CD53: variants seen among roughly 807,000 people sequenced by gnomAD.
The protein encoded by CD53 is CD53 molecule.
In CD53, 20 loss-of-function variants were observed where a neutral mutation model predicts 27.3. That is an observed-to-expected ratio of 0.73 (90% confidence interval 0.52 to 1.07). The LOEUF is 1.07. CD53 is among the 50% of genes least tolerant of loss of function. The probability of loss-of-function intolerance (pLI) is 0.00; values close to 1 mark genes in which losing one functional copy is unlikely to be tolerated. For missense variants in CD53, 216 were observed against 264.0 expected, an observed-to-expected ratio of 0.82 and a Z score of 1.26; for synonymous variants, 106 against 105.3, an observed-to-expected ratio of 1.01 and a Z score of -0.04.
chr1:110,886,020 C>T (rs531192043), intron 1 of CD53, among the ~76,000 whole-genome samples: 1 of 152,204 alleles, frequency 6.6e-6, no homozygotes, highest in Non-Finnish European at 1.5e-5. Context: ...TAGAGGATTG[C>T]TTTTAACATT....
chr1:110,894,246 C>A, intron 3 of CD53, 81 bp from the exon 4 acceptor site: 2 of 1,224,464 alleles, frequency 1.6e-6, no homozygotes, highest in East Asian at 4.6e-5. Context: ...CGTGCAAATG[C>A]CCCTGGATGC....
Position 110,894,488 on chromosome 1 carries a change from G to C in CD53, c.327+87G>C. On this transcript the variant is annotated intron_variant, in intron 4 of 7. Transcript: ENST00000271324. ...AAGTTGGTACAAAGTTACAGAATAA[G>C]TTCTATAATAGAGATAGAAATGAAG... The C allele has an allele frequency of 5.9e-6, 6 of 1,011,972 alleles. No individual in the cohort carries two copies. In the South Asian group the frequency reaches 7.7e-5, roughly 13 times the overall value. The allele number at this position is 1,011,972 out of a possible 1,614,324, so 62.7% of individuals were successfully genotyped here. A position where few individuals can be genotyped will look rare whatever the true frequency, so the allele number is the denominator to read the frequency against.
At chr1:110,897,248 GAGA>G (rs1201274151) in intron 6 of CD53, among the ~76,000 whole-genome samples, 1 of 152,184 alleles carries the variant, frequency 6.6e-6, no homozygotes, top group Non-Finnish European at 1.5e-5. Context: ...AATAGGCTCT[GAGA>G]AGAAGCCACA....
At chr1:110,875,105 G>A (rs947380617) in intron 1 of CD53, among the ~76,000 whole-genome samples, 1 of 152,134 alleles carries the variant, frequency 6.6e-6, no homozygotes, top group East Asian at 1.9e-4. Context: ...GTGACTGGTG[G>A]GTTCACTTTC....
intron 6 of CD53, 46 bp from the exon 7 acceptor site, chr1:110,897,763 G>T: frequency 8.8e-7 from 1 of 1,139,994 alleles, no homozygotes; most frequent in South Asian, 1.3e-5. Context: ...CTCTTGATAT[G>T]GTGGAATTAT....
At chr1:110,880,173 C>T (rs989860683) in intron 1 of CD53, 10 of 152,092 alleles carry the variant, frequency 6.6e-5, no homozygotes, top group African/African-American at 2.4e-4. Flanking sequence ...GAGTCATAGA[C>T]TTTGACTGTG....
intron 4 of CD53, 151 bp downstream of exon 4, chr1:110,894,552 G>GA (rs1379569347): frequency 3.3e-6 from 2 of 600,882 alleles, no homozygotes; most frequent in Non-Finnish European, 5.8e-6. Context: ...TGTAATTGGG[G>GA]GGAAAATTTG....
chr1:110,891,371 T>G (rs989563669), intron 1 of CD53, 21 bp from the exon 2 acceptor site: 1 of 1,550,132 alleles, frequency 6.5e-7, no homozygotes, highest in African/African-American at 1.4e-5. Flanking sequence ...GTAACTTACT[T>G]TCTTCTTCCT....
At chr1:110,887,254 C>G (rs958807517) in intron 1 of CD53, among the ~76,000 whole-genome samples, 1 of 151,866 alleles carries the variant, frequency 6.6e-6, no homozygotes, top group South Asian at 2.1e-4. Context: ...TTAGTAGAGA[C>G]GGGGTTTCAC....
intron 1 of CD53, among the ~76,000 whole-genome samples, chr1:110,886,542 G>A (rs1656610972): frequency 6.6e-6 from 1 of 151,992 alleles, no homozygotes; most frequent in Non-Finnish European, 1.5e-5. Flanking sequence ...ATGATGCTCT[G>A]TTCATTTAAA....
Position 110,892,523 on chromosome 1 carries a change from T to C in CD53, c.242T>C (p.Leu81Pro), listed in dbSNP as rs749947402. The change falls in exon 3 of 8, where the codon CTG becomes CCG. Residue 81 changes from leucine to proline, a missense_variant. Physicochemically the swap from Leu to Pro is moderately conservative, Grantham distance 98. Transcript: ENST00000271324. ...CMGSIKENKC[L>P]LMSFFILLLI... ...GGCTCTATCAAGGAAAACAAGTGTC[T>C]GCTTATGTCGGTGAGTCCTTACAGC... is the stretch of plus-strand genomic sequence containing the variant. 1.2e-6 allele frequency: 2 copies of C among 1,613,600 alleles called. No individual in the cohort carries two copies. Among genetic ancestry groups the C allele is most frequent in the Non-Finnish European group, 1.7e-6 (2 of 1,179,626 alleles).
In CD53 at chr1:110,892,553, G is replaced by A. The variant is rs1462506323; in HGVS notation, c.252+20G>A. ...ATGTCGGTGAGTCCTTACAGCAGATGTGGTGCCCCAAGTCGGGGAGATGGT... is the reference window on the plus strand; with the variant it reads ...ATGTCGGTGAGTCCTTACAGCAGATATGGTGCCCCAAGTCGGGGAGATGGT... On this transcript the variant is annotated intron_variant, in intron 3 of 7. Coordinates refer to ENST00000271324, the MANE Select transcript of CD53 (RefSeq NM_000560.4). 1 of 1,595,548 alleles carries A rather than the reference G, an allele frequency of 6.3e-7. No individual in the cohort carries two copies. The highest frequency in any genetic ancestry group is 8.6e-7 in the Non-Finnish European group (1 of 1,166,136).
chr1:110,890,783 G>A (rs879500293), intron 1 of CD53, among the ~76,000 whole-genome samples: 1 of 152,180 alleles, frequency 6.6e-6, no homozygotes, highest in Non-Finnish European at 1.5e-5. Context: ...TATCTTTGCT[G>A]TAAGACTGTT....
chr1:110,875,901 A>G (rs1552890), intron 1 of CD53, among the ~76,000 whole-genome samples: 111,174 of 152,082 alleles, frequency 0.73, 42,711 homozygotes, highest in Non-Finnish European at 0.85. Flanking sequence ...GAATCTCTAT[A>G]CTGAGAGTTA....
chr1:110,882,610 C>T (rs1656402322), intron 1 of CD53, among the ~76,000 whole-genome samples: 1 of 151,960 alleles, frequency 6.6e-6, no homozygotes, highest in Non-Finnish European at 1.5e-5. Flanking sequence ...ACAAAAAATT[C>T]TGCTGTAATA....
intron 1 of CD53, among the ~76,000 whole-genome samples, chr1:110,887,183 C>A (rs1187425938): frequency 6.6e-6 from 1 of 152,060 alleles, no homozygotes; most frequent in East Asian, 1.9e-4. Context: ...CCTGCCTCAG[C>A]CTCCCGAGTA....
intron 1 of CD53, among the ~76,000 whole-genome samples, chr1:110,879,638 A>G (rs974877717): frequency 6.6e-6 from 1 of 152,168 alleles, no homozygotes; most frequent in East Asian, 1.9e-4. Context: ...TCTATGTAGC[A>G]CCAAAGCTGT....
Position 110,887,950 on chromosome 1 carries a change from T to G in CD53, c.-17-3442T>G, listed in dbSNP as rs979997818. On this transcript the variant is annotated intron_variant, in intron 1 of 7. Coordinates refer to ENST00000271324, the MANE Select transcript of CD53 (RefSeq NM_000560.4). ...CAAACATCTCGAAATGGGGTGATTATCCTGGATTAGCCAGGTGGTTCTTAT... is the reference window on the plus strand; with the variant it reads ...CAAACATCTCGAAATGGGGTGATTAGCCTGGATTAGCCAGGTGGTTCTTAT... Among the ~76,000 whole-genome samples, 5 of 152,222 alleles carry G rather than the reference T, an allele frequency of 3.3e-5. No homozygotes were observed. In the East Asian group the frequency reaches 9.6e-4, roughly 29 times the overall value.
At chr1:110,899,029 T>C (rs1657189675) in intron 7 of CD53, 95 bp from the exon 8 acceptor site, 3 of 877,576 alleles carry the variant, frequency 3.4e-6, no homozygotes, top group East Asian at 2.5e-5. Context: ...TTCAGTGTAA[T>C]GGATACATTC....
Sources: allele counts gnomAD v4.1 joint callset (sites outside exome capture counted in the v4.1 genomes callset), GRCh38; gene constraint gnomAD v4.1.1; transcripts MANE v1.5; gene names NCBI Gene and HGNC (gene_info 2026-07-23, HGNC 2026-07-21).